The following PCDH15 variants were observed in gnomAD, a reference collection of about 807,000 sequenced individuals.
PCDH15 encodes protocadherin related 15.
A neutral mutation model predicts 178.5 loss-of-function variants in PCDH15; 129 were observed. That is an observed-to-expected ratio of 0.72 (90% CI 0.63 to 0.84). PCDH15 has a LOEUF of 0.84. PCDH15 is among the 40% of genes least tolerant of loss of function. PCDH15 has a pLI of 0.00. For synonymous variants in PCDH15, 800 were observed against 732.0 expected, an observed-to-expected ratio of 1.09 and a Z score of -1.50; for missense variants, 2,230 against 2,099.9, an observed-to-expected ratio of 1.06 and a Z score of -1.21.
At chr10:55,294,137 C>G (rs1453264308) in intron 1 of PCDH15, among the ~76,000 whole-genome samples, 1 of 152,042 alleles carries the variant, frequency 6.6e-6, no homozygotes, top group Admixed American at 6.6e-5. Flanking sequence ...AAAGAGAGAG[C>G]TTGTGCTGGG....
At chr10:53,850,417 TAA>T (rs143566009) in intron 28 of PCDH15, among the ~76,000 whole-genome samples, 2,983 of 152,228 alleles carry the variant, frequency 0.02, 29 homozygotes, top group South Asian at 0.034. Context: ...CCTAATGAGT[TAA>T]AGACAAGTCA....
chr10:55,215,195 C>A (rs1840672503), intron 1 of PCDH15, among the ~76,000 whole-genome samples: 1 of 152,054 alleles, frequency 6.6e-6, no homozygotes, highest in African/African-American at 2.4e-5. Context: ...CATTATACAG[C>A]AAGAAAACAA....
chr10:54,432,059 A>T (rs2136012596), intron 3 of PCDH15, among the ~76,000 whole-genome samples: 1 of 152,202 alleles, frequency 6.6e-6, no homozygotes, highest in Non-Finnish European at 1.5e-5. Context: ...CTGATGAAAG[A>T]ATTTAAAGCA....
Position 54,973,474 on chromosome 10 carries a change from C to A in PCDH15, c.-79-75974G>T, listed in dbSNP as rs143127626. Among the ~76,000 whole-genome samples, 1,146 of 152,260 alleles carry A rather than the reference C, an allele frequency of 7.5e-3. 7 individuals are homozygous for A. Among genetic ancestry groups the A allele is most frequent in the Middle Eastern group, 0.024 (7 of 294 alleles). ...CAGAAGCAACACTGGTAATTTGCTA[C>A]TATTTTGTGCAGTTAGCTCTTAAGG... On this transcript the variant is annotated intron_variant, in intron 2 of 5. Coordinates refer to the PCDH15 transcript ENST00000458638.
At chr10:54,108,103 A>G (rs1200122103) in intron 15 of PCDH15, among the ~76,000 whole-genome samples, 1 of 152,172 alleles carries the variant, frequency 6.6e-6, no homozygotes, top group African/African-American at 2.4e-5. Context: ...GCAAGAGTGG[A>G]GAGAGTGGAG....
intron 2 of PCDH15, among the ~76,000 whole-genome samples, chr10:55,346,499 T>C (rs1844757248): frequency 6.6e-6 from 1 of 152,116 alleles, no homozygotes; most frequent in Non-Finnish European, 1.5e-5. Context: ...AAATTTATCA[T>C]AGAATGAAAC....
At chr10:54,213,783 G>A (rs776898769) in intron 10 of PCDH15, among the ~76,000 whole-genome samples, 153 bp downstream of exon 10, 2 of 152,018 alleles carry the variant, frequency 1.3e-5, no homozygotes, top group Non-Finnish European at 1.5e-5. Context: ...ATTAAAAGTG[G>A]GCTTCGCTTA....
intron 2 of PCDH15, among the ~76,000 whole-genome samples, chr10:54,981,688 CAAT>C (rs1424313833): frequency 6.6e-6 from 1 of 152,106 alleles, no homozygotes; most frequent in Non-Finnish European, 1.5e-5. Context: ...TGCAGAATCA[CAAT>C]AAGTAATATT....
At chr10:53,966,963 G>C (rs976268020) in intron 21 of PCDH15, among the ~76,000 whole-genome samples, 1 of 151,906 alleles carries the variant, frequency 6.6e-6, no homozygotes, top group Non-Finnish European at 1.5e-5. Context: ...ATGTGCAGTG[G>C]CATGATTATA....
intron 3 of PCDH15, among the ~76,000 whole-genome samples, chr10:54,457,526 A>G (rs1398672950): frequency 6.6e-6 from 1 of 152,158 alleles, no homozygotes; most frequent in Non-Finnish European, 1.5e-5. Context: ...TCCTCAGTGT[A>G]TGGACCACCT....
At chr10:54,123,268 G>A (rs540525433) in intron 15 of PCDH15, among the ~76,000 whole-genome samples, 14 of 151,888 alleles carry the variant, frequency 9.2e-5, no homozygotes, top group Non-Finnish European at 1.3e-4. Flanking sequence ...CCCAAAATAC[G>A]CATCCAACAA....
At chr10:54,115,081 A>G (rs7898067) in intron 15 of PCDH15, among the ~76,000 whole-genome samples, 4,459 of 152,210 alleles carry the variant, frequency 0.029, 239 homozygotes, top group African/African-American at 0.1. Context: ...TAATCTAAGT[A>G]GGAGGTAGGT....
chr10:54,120,557 A>G (rs2095198573), intron 15 of PCDH15, among the ~76,000 whole-genome samples: 1 of 152,166 alleles, frequency 6.6e-6, no homozygotes, highest in Admixed American at 6.5e-5. Flanking sequence ...ACATGAAGTA[A>G]AGTAATGATG....
intron 2 of PCDH15, among the ~76,000 whole-genome samples, chr10:54,537,833 A>T (rs2084750374): frequency 6.6e-6 from 1 of 151,584 alleles, no homozygotes; most frequent in Admixed American, 6.6e-5. Context: ...GTAGTATCTC[A>T]TTGTGGTTTT....
chr10:54,980,714 C>T (rs1304929578), intron 2 of PCDH15, among the ~76,000 whole-genome samples: 5 of 151,952 alleles, frequency 3.3e-5, no homozygotes, highest in Admixed American at 6.6e-5. Context: ...CTTTATGTTA[C>T]ACTTTTCAAT....
chr10:55,223,256 C>T (rs577803882), intron 1 of PCDH15, among the ~76,000 whole-genome samples: 1 of 152,172 alleles, frequency 6.6e-6, no homozygotes, highest in East Asian at 1.9e-4. Context: ...GAGGCTATTG[C>T]CAATAAGTTA....
Position 54,275,277 on chromosome 10 carries a change from T to C in PCDH15, c.877-38346A>G, listed in dbSNP as rs78872021. Among the ~76,000 whole-genome samples the C allele has an allele frequency of 3.3e-3, 503 of 152,018 alleles. 3 individuals carry two copies. The highest frequency in any genetic ancestry group is 0.011 in the African/African-American group (438 of 41,516). On this transcript the variant is annotated intron_variant, in intron 8 of 37. Coordinates refer to ENST00000644397, the MANE Select transcript of PCDH15 (RefSeq NM_001384140.1). ...GTGCTTCTTATATGCCAGATTCTGA[T>C]TGAAATATTTTACAAGTTTAACTCA... is the stretch of plus-strand genomic sequence containing the variant.
intron 2 of PCDH15, among the ~76,000 whole-genome samples, chr10:54,642,421 C>G (rs73253030): frequency 6.6e-6 from 1 of 152,118 alleles, no homozygotes; most frequent in Non-Finnish European, 1.5e-5. Context: ...TTGATCTCAC[C>G]TCGCTTACTT....
chr10:54,822,939 T>G (rs1953071051), intron 3 of PCDH15, among the ~76,000 whole-genome samples: 2 of 152,064 alleles, frequency 1.3e-5, no homozygotes, highest in East Asian at 3.9e-4. Context: ...TGGAGTGCAG[T>G]GGCAAAATCT....
Sources: allele counts gnomAD v4.1 joint callset (sites outside exome capture counted in the v4.1 genomes callset), GRCh38; gene constraint gnomAD v4.1.1; transcripts MANE v1.5; gene names NCBI Gene and HGNC (gene_info 2026-07-23, HGNC 2026-07-21).